Variants in GRID1 observed in about 807,000 individuals in gnomAD.
GRID1 encodes glutamate receptor ionotropic, delta-1.
A neutral mutation model predicts 98.0 loss-of-function variants in GRID1; 28 were observed. The ratio of observed to expected loss-of-function variants is 0.29; its 90% CI spans 0.21 to 0.39. GRID1 has a LOEUF of 0.39. GRID1 is among the 10% of genes least tolerant of loss of function. The pLI is 1.00. For missense variants in GRID1, 1,111 were observed against 1,340.5 expected, an observed-to-expected ratio of 0.83 and a Z score of 2.67; for synonymous variants, 553 against 538.5, an observed-to-expected ratio of 1.03 and a Z score of -0.37.
intron 3 of GRID1, among the ~76,000 whole-genome samples, chr10:86,145,044 T>C (rs1441827869): frequency 6.6e-6 from 1 of 152,194 alleles, no homozygotes; most frequent in Non-Finnish European, 1.5e-5. Context: ...TCATATCTGC[T>C]CACAATACAG....
intron 5 of GRID1, among the ~76,000 whole-genome samples, chr10:85,895,016 A>AAAAAT (rs766551035): frequency 3.0e-4 from 29 of 97,108 alleles, no homozygotes; most frequent in African/African-American, 9.8e-4. Flanking sequence ...AAAAAAAAAA[A>AAAAAT]ATATATATAT....
At chr10:86,132,323 C>T (rs752699558) in intron 4 of GRID1, among the ~76,000 whole-genome samples, 2 of 152,202 alleles carry the variant, frequency 1.3e-5, no homozygotes, top group Non-Finnish European at 2.9e-5. Flanking sequence ...CCAGGCCCCG[C>T]GTTCTGGCTG....
At chr10:86,323,039 G>A (rs995427684) in intron 2 of GRID1, among the ~76,000 whole-genome samples, 3 of 152,162 alleles carry the variant, frequency 2.0e-5, no homozygotes, top group Non-Finnish European at 2.9e-5. Context: ...AGAAGTTGCA[G>A]TGAGCTGAGA....
intron 4 of GRID1, among the ~76,000 whole-genome samples, chr10:85,948,173 G>A (rs987479709): frequency 4.6e-5 from 7 of 152,188 alleles, no homozygotes; most frequent in African/African-American, 1.7e-4. Flanking sequence ...TGGCAATGTA[G>A]GATTTGATTA....
chr10:85,746,136 G>T (rs150554514), intron 8 of GRID1, among the ~76,000 whole-genome samples: 1 of 152,228 alleles, frequency 6.6e-6, no homozygotes, highest in African/African-American at 2.4e-5. Context: ...TTTGGATTTA[G>T]GTATTCAGGT....
chr10:86,178,016 A>AC (rs1845601925), intron 3 of GRID1, among the ~76,000 whole-genome samples: 2 of 152,038 alleles, frequency 1.3e-5, no homozygotes, highest in South Asian at 4.2e-4. Context: ...CTTGAGGGGC[A>AC]CCAGGGGTGA....
chr10:85,961,508 C>A (rs911985817), intron 4 of GRID1, among the ~76,000 whole-genome samples: 1 of 150,768 alleles, frequency 6.6e-6, no homozygotes, highest in African/African-American at 2.4e-5. Flanking sequence ...CACCGTCTGT[C>A]CTCCCTCCCT....
chr10:86,007,827 T>TTTA (rs1254024043), intron 4 of GRID1, among the ~76,000 whole-genome samples: 2 of 138,894 alleles, frequency 1.4e-5, no homozygotes, highest in Non-Finnish European at 3.0e-5. Flanking sequence ...TGTTTTTTTA[T>TTTA]TTATTTATTT....
chr10:86,235,746 G>C (rs1846527794), intron 2 of GRID1, among the ~76,000 whole-genome samples: 1 of 152,202 alleles, frequency 6.6e-6, no homozygotes, highest in African/African-American at 2.4e-5. Flanking sequence ...TTTCTGAGTA[G>C]TATTCCACTG....
chr10:85,817,200 T>C (rs1191761705), intron 8 of GRID1, among the ~76,000 whole-genome samples: 1 of 152,178 alleles, frequency 6.6e-6, no homozygotes, highest in Non-Finnish European at 1.5e-5. Flanking sequence ...ATGATTTATA[T>C]TCCTCTGGGT....
intron 4 of GRID1, among the ~76,000 whole-genome samples, chr10:85,958,957 CAA>C (rs199786360): frequency 0.17 from 17,168 of 99,084 alleles, 1,080 homozygotes; most frequent in Admixed American, 0.28. Flanking sequence ...AACTCCGTCT[CAA>C]AAAAAAAAAA....
At chr10:86,018,008 C>T (rs1482081396) in intron 4 of GRID1, among the ~76,000 whole-genome samples, 1 of 152,244 alleles carries the variant, frequency 6.6e-6, no homozygotes, top group Admixed American at 6.5e-5. Flanking sequence ...CTCCTCCTCA[C>T]ACAGACTCTC....
intron 8 of GRID1, among the ~76,000 whole-genome samples, chr10:85,774,130 G>T (rs989150860): frequency 1.9e-4 from 29 of 152,234 alleles, no homozygotes; most frequent in African/African-American, 6.3e-4. Flanking sequence ...AACAGAGATA[G>T]CGATCAATGG....
At chr10:86,313,820 G>A (rs1416969226) in intron 2 of GRID1, among the ~76,000 whole-genome samples, 1 of 152,188 alleles carries the variant, frequency 6.6e-6, no homozygotes, top group African/African-American at 2.4e-5. Context: ...TGGCGCTCCT[G>A]GTGGCTGGCT....
chr10:85,916,269 A>C lies in GRID1; in HGVS notation c.727-30T>G. ...AGAGAGAAAAAGAACGAACATGAAC[A>C]GAAGCAAGACAGAAGCTGGCAGACA... On this transcript the variant is annotated intron_variant, in intron 4 of 15. Transcript: ENST00000327946. This position sits in a 1 kb window ranked among gnomAD's most constrained non-coding sequence, Gnocchi z 4.0. 1.3e-6 allele frequency: 2 copies of C among 1,563,116 alleles called. No homozygotes were observed. The highest frequency in any genetic ancestry group is 1.8e-6 in the Non-Finnish European group (2 of 1,133,758).
intron 4 of GRID1, among the ~76,000 whole-genome samples, chr10:85,962,812 C>A (rs1310065183): frequency 3.9e-5 from 6 of 152,104 alleles, no homozygotes; most frequent in Non-Finnish European, 7.4e-5. Context: ...TCTTCCTAAC[C>A]CTCTACACCC....
intron 4 of GRID1, among the ~76,000 whole-genome samples, chr10:86,059,699 T>C (rs1038770073): frequency 2.0e-5 from 3 of 152,246 alleles, no homozygotes; most frequent in African/African-American, 7.2e-5. Context: ...AAGAGTTTGC[T>C]TGATGGAATC....
At chr10:85,887,928 G>A (rs1841140080) in intron 5 of GRID1, among the ~76,000 whole-genome samples, 1 of 152,060 alleles carries the variant, frequency 6.6e-6, no homozygotes, top group Admixed American at 6.6e-5. Context: ...ATGCAAGCCA[G>A]AGCAGCCCTT....
chr10:86,109,320 G>A (rs1298070663), intron 4 of GRID1, among the ~76,000 whole-genome samples: 3 of 152,220 alleles, frequency 2.0e-5, no homozygotes, highest in Non-Finnish European at 2.9e-5. Context: ...GTGTTCAGAA[G>A]ATGATATGCT....
Sources: allele counts gnomAD v4.1 joint callset (sites outside exome capture counted in the v4.1 genomes callset), GRCh38; gene constraint gnomAD v4.1.1; non-coding constraint Gnocchi (gnomAD v3.1); transcripts MANE v1.5; gene names NCBI Gene and HGNC (gene_info 2026-07-23, HGNC 2026-07-21).